The following BCL2L11 variants were observed in gnomAD, a reference collection of about 807,000 sequenced individuals.
BCL2L11 encodes BCL2 like 11.
A neutral mutation model predicts 20.6 loss-of-function variants in BCL2L11; 15 were observed. The ratio of observed to expected loss-of-function variants is 0.73; its 90% confidence interval spans 0.49 to 1.12. BCL2L11 has a LOEUF of 1.12. Among genes scored for constraint, BCL2L11 ranks in the 50% most tolerant of loss-of-function variants. The pLI, the probability that BCL2L11 is intolerant of heterozygous loss-of-function variation, is 0.00. For synonymous variants in BCL2L11, 108 were observed against 92.8 expected, an observed-to-expected ratio of 1.16 and a Z score of -0.94; for missense variants, 292 against 260.9, an observed-to-expected ratio of 1.12 and a Z score of -0.82.
At chr2:111,124,177 A>T (rs1326324364) in intron 2 of BCL2L11, 38 bp downstream of exon 2, 1 of 1,557,810 alleles carries the variant, frequency 6.4e-7, no homozygotes, top group Non-Finnish European at 8.7e-7. Flanking sequence ...TGACGTGTGG[A>T]TGGTTGAATC....
At chr2:111,122,566 G>A (rs1419181341) in intron 1 of BCL2L11, 2 of 976,164 alleles carry the variant, frequency 2.0e-6, no homozygotes, top group African/African-American at 1.8e-5. Flanking sequence ...TTGGGAACGC[G>A]GGCACCCGGC....
chr2:111,130,411 T>C (rs2073711184), intron 2 of BCL2L11, among the ~76,000 whole-genome samples: 2 of 152,252 alleles, frequency 1.3e-5, no homozygotes, highest in South Asian at 2.1e-4. Flanking sequence ...GCCCTACTTT[T>C]AGCATCTATG....
chr2:111,121,448 C>T (rs2070885616), intron 1 of BCL2L11, among the ~76,000 whole-genome samples: 1 of 152,220 alleles, frequency 6.6e-6, no homozygotes, highest in South Asian at 2.1e-4. Context: ...ATGCTGCGCG[C>T]GGGCCTGGTG....
Position 111,162,029 on chromosome 2 carries a change from A to G in BCL2L11, c.499-2104A>G, listed in dbSNP as rs540244283. ...AGTTTAGTGTCACCAGGCCCCGACTATAAGCCACAGTAATTTTTATGGCTG... is the reference window on the plus strand; with the variant it reads ...AGTTTAGTGTCACCAGGCCCCGACTGTAAGCCACAGTAATTTTTATGGCTG... On this transcript the variant is annotated intron_variant, in intron 3 of 3. Coordinates refer to ENST00000393256, the MANE Select transcript of BCL2L11 (RefSeq NM_138621.5). Among the ~76,000 whole-genome samples, 7 of 152,324 alleles carry G rather than the reference A, an allele frequency of 4.6e-5. No homozygotes were observed. The East Asian group carries it at 1.2e-3, about 25-fold the overall frequency.
rs539145925 is a variant in BCL2L11 at position 111,137,968 on chromosome 2, G to A, written c.395-12076G>A. 2.0e-5 allele frequency among the ~76,000 whole-genome samples: 3 copies of A among 150,458 alleles called. No homozygotes were observed. The East Asian group carries it at 5.9e-4, about 29-fold the overall frequency. The stretch of plus-strand genomic sequence containing the variant: ...CAGTAGTGGGTATTGTTGTATTTTC[G>A]TTACAGGTGGGCTTTTCTCCCTTTT... On this transcript the variant is annotated intron_variant, in intron 2 of 3. Coordinates refer to ENST00000393256, the MANE Select transcript of BCL2L11 (RefSeq NM_138621.5).
chr2:111,135,574 G>A (rs2074720003), intron 2 of BCL2L11, among the ~76,000 whole-genome samples: 1 of 152,008 alleles, frequency 6.6e-6, no homozygotes, highest in African/African-American at 2.4e-5. Flanking sequence ...TGCCAACCAG[G>A]CCCACTTTCT....
chr2:111,164,445 T>TA lies in BCL2L11; in HGVS notation c.*217dup. The TA allele has an allele frequency of 2.1e-6, 1 of 469,486 alleles. No individual in the cohort carries two copies. The highest frequency in any genetic ancestry group is 1.9e-5 in the African/African-American group (1 of 52,304). 29.1% of individuals were successfully genotyped at this position (469,486 alleles called of 1,614,324 possible). On this transcript the variant is annotated 3_prime_UTR_variant, in exon 4 of 4. Transcript: ENST00000393256. Reference sequence around the variant, plus strand: ...TTCTAATGGAAGTTTGTTGTGAATGTAAAGGAGGGAGCATTCTTTGCTTTT... The same window carrying TA: ...TTCTAATGGAAGTTTGTTGTGAATGTAAAAGGAGGGAGCATTCTTTGCTTTT...
intron 2 of BCL2L11, among the ~76,000 whole-genome samples, chr2:111,138,848 G>A (rs545974019): frequency 6.6e-6 from 1 of 152,274 alleles, no homozygotes; most frequent in East Asian, 1.9e-4. Context: ...ATCAAGTGAG[G>A]ACATAGTGCT....
At position 111,150,908 on chromosome 2, in the gene BCL2L11, G is replaced by GTTTGTT. The variant is rs1559072752; in HGVS notation, c.498+762_498+763insTTGTTT. ...TTTGTTTGTTTGTTTGTTTGTTTGT[G>GTTTGTT]TGTGTGTTTGTTTTTGAGACGGAGT... On this transcript the variant is annotated intron_variant, in intron 3 of 3. Coordinates refer to ENST00000393256, the MANE Select transcript of BCL2L11 (RefSeq NM_138621.5). Among the ~76,000 whole-genome samples the GTTTGTT allele has an allele frequency of 9.7e-3, 857 of 88,782 alleles. 9 individuals are homozygous for GTTTGTT. The highest frequency in any genetic ancestry group is 0.047 in the East Asian group (160 of 3,432). The allele number at this position is 88,782 out of a possible 152,430, so 58.2% of individuals were successfully genotyped here.
intron 3 of BCL2L11, 118 bp downstream of exon 3, chr2:111,150,265 G>C (rs1303300463): frequency 6.6e-7 from 1 of 1,507,464 alleles, no homozygotes; most frequent in African/African-American, 1.4e-5. Context: ...GATTACTGTT[G>C]CCTAGTTGTG....
intron 3 of BCL2L11, chr2:111,161,692 C>T: frequency 9.5e-7 from 1 of 1,052,104 alleles, no homozygotes; most frequent in Middle Eastern, 3.4e-4. Flanking sequence ...TTAGTCCTGA[C>T]TTTCCAATTC....
At chr2:111,122,943 C>T (rs934930051) in intron 1 of BCL2L11, 5 of 985,532 alleles carry the variant, frequency 5.1e-6, no homozygotes, top group East Asian at 1.1e-4. Context: ...GGTGTGATTG[C>T]CTTCTGAGGG....
rs771838293 is a variant in BCL2L11, at chr2:111,124,021, C to T, written c.276C>T (p.Ser92=). 5 of 1,614,104 alleles carry T rather than the reference C, an allele frequency of 3.1e-6. No homozygotes were observed. The highest frequency in any genetic ancestry group is 2.2e-5 in the East Asian group (1 of 44,888). The change falls in exon 2 of 4, where the codon TCC becomes TCT. Residue 92 remains serine, a synonymous_variant. Transcript: ENST00000393256. ...GAAGATCCTCCCTGCTGTCTCGATC[C>T]TCCAGTGGGTATTTCTCTTTTGACA... The part of the protein sequence containing the change: ...FMRRSSLLSR[S]SSGYFSFDTD...
In BCL2L11 at chr2:111,166,760, G is replaced by T. The variant is rs1368504417; in HGVS notation, c.*2529G>T. 2 of 152,524 alleles carry T rather than the reference G, an allele frequency of 1.3e-5. No individual in the cohort carries two copies. The highest frequency in any genetic ancestry group is 2.9e-5 in the Non-Finnish European group (2 of 68,018). 9.4% of individuals were successfully genotyped at this position (152,524 alleles called of 1,614,324 possible). On this transcript the variant is annotated 3_prime_UTR_variant, in exon 4 of 4. Transcript: ENST00000393256. ...CCTTCCCAACTGGTTAGTTGATCAA[G>T]AATTTTGGGGGTGGGGGTTGCGGAG...
In BCL2L11 at chr2:111,127,725, G is replaced by A. The variant is rs191849142; in HGVS notation, c.394+3586G>A. On this transcript the variant is annotated intron_variant, in intron 2 of 3. Coordinates refer to ENST00000393256, the MANE Select transcript of BCL2L11 (RefSeq NM_138621.5). ...TAAGGTTTGCCACGTAGTGGTGACA[G>A]CTGAGGTCTAGCTCAGCACTACTCA... 6.6e-5 allele frequency among the ~76,000 whole-genome samples: 10 copies of A among 152,252 alleles called. No homozygotes were observed. The East Asian group carries it at 1.6e-3, about 24-fold the overall frequency.
intron 2 of BCL2L11, among the ~76,000 whole-genome samples, chr2:111,128,431 C>T (rs2073142280): frequency 6.6e-6 from 1 of 152,000 alleles, no homozygotes. Flanking sequence ...TTGGGGGATT[C>T]TGCTTTGAAT....
chr2:111,139,854 G>T (rs1237328133), intron 2 of BCL2L11, among the ~76,000 whole-genome samples: 1 of 152,242 alleles, frequency 6.6e-6, no homozygotes, highest in Non-Finnish European at 1.5e-5. Flanking sequence ...TGATTCGTGA[G>T]TAGAGTTGCC....
rs58738963 is a variant in BCL2L11, at chr2:111,145,920, C to CTTTTTT, written c.395-4109_395-4104dup. 2.0e-5 allele frequency: 15 copies of CTTTTTT among 733,738 alleles called. No individual in the cohort carries two copies. The African/African-American group carries it at 2.1e-4, about 10-fold the overall frequency. The allele number at this position is 733,738 out of a possible 1,614,324, so 45.5% of individuals were successfully genotyped here. A position where few individuals can be genotyped will look rare whatever the true frequency, so the allele number is the denominator to read the frequency against. ...TATAAAAGTTTTGATTAGTGGCTTT[C>CTTTTTT]TTTTTTTTTTTTTTTTTTTTGTAAC... On this transcript the variant is annotated intron_variant, in intron 2 of 3. Coordinates refer to ENST00000393256, the MANE Select transcript of BCL2L11 (RefSeq NM_138621.5).
At chr2:111,134,152 A>G (rs754602876) in intron 2 of BCL2L11, among the ~76,000 whole-genome samples, 1 of 151,772 alleles carries the variant, frequency 6.6e-6, no homozygotes, top group Non-Finnish European at 1.5e-5. Context: ...GGTCTAGACC[A>G]TTTACATTTA....
Sources: gnomAD v4.1 joint callset for allele counts (sites outside exome capture counted in the v4.1 genomes callset) on GRCh38, gnomAD v4.1.1 for gene constraint, MANE v1.5 for transcripts, NCBI Gene and HGNC (gene_info 2026-07-23, HGNC 2026-07-21) for gene names.